PPP2R5A: variants seen among roughly 807,000 people sequenced by gnomAD.
PPP2R5A encodes protein phosphatase 2 regulatory subunit B'alpha, also known as serine/threonine-protein phosphatase 2A 56 kDa regulatory subunit alpha isoform.
A neutral mutation model predicts 64.2 loss-of-function variants in PPP2R5A; 25 were observed. That is an observed-to-expected ratio of 0.39 (90% CI 0.28 to 0.54). PPP2R5A has a LOEUF of 0.54. Among genes scored for constraint, PPP2R5A ranks in the 20% least tolerant of loss-of-function variants. The pLI, the probability that PPP2R5A is intolerant of heterozygous loss-of-function variation, is 0.67. For missense variants in PPP2R5A, 425 were observed against 576.3 expected, an observed-to-expected ratio of 0.74 and a Z score of 2.69; for synonymous variants, 198 against 201.2, an observed-to-expected ratio of 0.98 and a Z score of 0.13.
Position 212,352,092 on chromosome 1 carries a change from C to T in PPP2R5A, c.927+2850C>T, listed in dbSNP as rs532155189. ...TGGAGTGCAGTCAGTGGCACCATCTCGGCTCACTGCAACCTCCACCTCCTG... is the reference window on the plus strand; with the variant it reads ...TGGAGTGCAGTCAGTGGCACCATCTTGGCTCACTGCAACCTCCACCTCCTG... On this transcript the variant is annotated intron_variant, in intron 8 of 12. Coordinates refer to ENST00000261461, the MANE Select transcript of PPP2R5A (RefSeq NM_006243.4). Among the ~76,000 whole-genome samples the T allele has an allele frequency of 3.2e-3, 487 of 151,616 alleles. 3 individuals carry two copies. Among genetic ancestry groups the T allele is most frequent in the Non-Finnish European group, 4.8e-3 (327 of 67,898 alleles).
chr1:212,318,292 T>G (rs1659198296), intron 1 of PPP2R5A, among the ~76,000 whole-genome samples: 1 of 73,864 alleles, frequency 1.4e-5, no homozygotes, highest in Non-Finnish European at 3.8e-5. Context: ...GGCATATCTG[T>G]TTTTTTTTTA....
chr1:212,296,610 C>T (rs753851646), intron 1 of PPP2R5A, among the ~76,000 whole-genome samples: 2 of 152,120 alleles, frequency 1.3e-5, no homozygotes, highest in African/African-American at 4.8e-5. Context: ...ACAAAATATG[C>T]CGGGACAAGT....
At chr1:212,331,264 T>C (rs1659499810) in intron 2 of PPP2R5A, among the ~76,000 whole-genome samples, 1 of 151,576 alleles carries the variant, frequency 6.6e-6, no homozygotes, top group Non-Finnish European at 1.5e-5. Flanking sequence ...GGGCACAAGC[T>C]GTCCTCCTGC....
chr1:212,348,574 C>G, intron 7 of PPP2R5A, 77 bp downstream of exon 7: 1 of 1,045,196 alleles, frequency 9.6e-7, no homozygotes, highest in East Asian at 2.6e-5. Flanking sequence ...TTGAGAAATA[C>G]TGAGATGACA....
At chr1:212,346,072 G>A (rs1659771516) in intron 5 of PPP2R5A, 139 bp downstream of exon 5, 8 of 791,266 alleles carry the variant, frequency 1.0e-5, no homozygotes, top group Non-Finnish European at 1.5e-5. Context: ...TGAGAACATA[G>A]CTCATTGTAG....
At position 212,342,270 on chromosome 1, in the gene PPP2R5A, T is replaced by A; in HGVS notation, c.563T>A (p.Phe188Tyr). The A allele has an allele frequency of 6.2e-7, 1 of 1,613,314 alleles. No individual in the cohort carries two copies. The highest frequency in any genetic ancestry group is 8.5e-7 in the Non-Finnish European group (1 of 1,179,628). Residue 188 changes from phenylalanine to tyrosine, a missense_variant, in exon 4 of 13, where the codon TTC (phenylalanine) becomes TAC (tyrosine). This residue lies in a region of PPP2R5A where 140 missense variants were observed against 204.4 expected (regional missense o/e 0.68). Transcript: ENST00000261461. ...SIAKRYIDQK[F>Y]VQQLLELFDS... ...GCAAAACGATACATTGATCAGAAAT[T>A]CGTACAACAGGTAAGGAACTCTTTT...
At chr1:212,356,787 T>C (rs1012215993) in intron 9 of PPP2R5A, 111 bp downstream of exon 9, 62 of 1,347,330 alleles carry the variant, frequency 4.6e-5, no homozygotes, top group Non-Finnish European at 5.7e-5. Flanking sequence ...GAGCGGGAGA[T>C]GTACACAGAC....
At chr1:212,317,839 A>G (rs533248885) in intron 1 of PPP2R5A, among the ~76,000 whole-genome samples, 1 of 152,186 alleles carries the variant, frequency 6.6e-6, no homozygotes, top group African/African-American at 2.4e-5. Flanking sequence ...TACAAAAATT[A>G]GCTGAGTGTG....
At chr1:212,287,031 A>T (rs1194087957) in intron 1 of PPP2R5A, among the ~76,000 whole-genome samples, 1 of 152,184 alleles carries the variant, frequency 6.6e-6, no homozygotes, top group East Asian at 1.9e-4. Context: ...TTGCAGTCGA[A>T]TGGGAACTTA....
chr1:212,342,215 T>C lies in PPP2R5A; in HGVS notation c.508T>C (p.Leu170=). ...GGTATATGAATTCTTCTTGAGATTT[T>C]TGGAGAGCCCTGATTTCCAGCCTAG... is the stretch of plus-strand genomic sequence containing the variant. ...QLVYEFFLRF[L]ESPDFQPSIA... Residue 170 remains leucine, a synonymous_variant, in exon 4 of 13, where the codon TTG becomes CTG. Transcript: ENST00000261461. 3 of 1,613,732 alleles carry C rather than the reference T, an allele frequency of 1.9e-6. No homozygotes were observed. Among genetic ancestry groups the C allele is most frequent in the Non-Finnish European group, 2.5e-6 (3 of 1,179,810 alleles).
Position 212,329,343 on chromosome 1 carries a change from G to T in PPP2R5A, c.378+12G>T. 2 of 1,517,930 alleles carry T rather than the reference G, an allele frequency of 1.3e-6. No individual in the cohort carries two copies. The highest frequency in any genetic ancestry group is 1.3e-5 in the South Asian group (1 of 76,278). 94.0% of individuals were successfully genotyped at this position (1,517,930 alleles called of 1,614,324 possible). Reference sequence around the variant, plus strand: ...ATATAGTAAAAATGGTAAGCCTCTAGAATTATGTTCCTCAGATTTATGTAA... The same window carrying T: ...ATATAGTAAAAATGGTAAGCCTCTATAATTATGTTCCTCAGATTTATGTAA... On this transcript the variant is annotated intron_variant, in intron 2 of 12. Coordinates refer to ENST00000261461, the MANE Select transcript of PPP2R5A (RefSeq NM_006243.4).
intron 1 of PPP2R5A, among the ~76,000 whole-genome samples, chr1:212,292,534 C>T (rs1013530549): frequency 6.6e-6 from 1 of 152,136 alleles, no homozygotes; most frequent in Non-Finnish European, 1.5e-5. Context: ...ATGTTTGGTG[C>T]TATCTACCAG....
intron 8 of PPP2R5A, among the ~76,000 whole-genome samples, chr1:212,352,072 T>C (rs923600099): frequency 4.6e-5 from 7 of 151,862 alleles, no homozygotes; most frequent in African/African-American, 1.7e-4. Context: ...CAGGCTGGAG[T>C]GCAGTCAGTG....
At chr1:212,331,889 A>C (rs894136278) in intron 2 of PPP2R5A, among the ~76,000 whole-genome samples, 2 of 152,202 alleles carry the variant, frequency 1.3e-5, no homozygotes, top group African/African-American at 4.8e-5. Context: ...TTTCTTAAAA[A>C]TTTATGAGTA....
At chr1:212,328,247 T>C (rs930465670) in intron 1 of PPP2R5A, among the ~76,000 whole-genome samples, 1 of 152,134 alleles carries the variant, frequency 6.6e-6, no homozygotes, top group Non-Finnish European at 1.5e-5. Context: ...CCAATTTAGC[T>C]TCAGTACCAT....
chr1:212,295,991 A>T (rs1658684843), intron 1 of PPP2R5A, among the ~76,000 whole-genome samples: 1 of 152,154 alleles, frequency 6.6e-6, no homozygotes, highest in Admixed American at 6.5e-5. Context: ...TAGGAGGACA[A>T]GTTAGGAGAT....
intron 1 of PPP2R5A, among the ~76,000 whole-genome samples, chr1:212,315,621 G>A (rs1000237813): frequency 6.6e-6 from 1 of 152,264 alleles, no homozygotes; most frequent in East Asian, 1.9e-4. Context: ...ATTGAAATAA[G>A]CCAGGCTATA....
At chr1:212,313,230 C>T (rs1000553295) in intron 1 of PPP2R5A, among the ~76,000 whole-genome samples, 6 of 152,180 alleles carry the variant, frequency 3.9e-5, no homozygotes, top group African/African-American at 1.4e-4. Context: ...TGTTTTCTAG[C>T]ATCTGAAAAC....
chr1:212,316,564 G>A (rs1028514250), intron 1 of PPP2R5A, among the ~76,000 whole-genome samples: 4 of 119,824 alleles, frequency 3.3e-5, no homozygotes, highest in Non-Finnish European at 6.9e-5. Context: ...GAAATTCCAT[G>A]GATATTTAAC....
Sources: gnomAD v4.1 joint callset for allele counts (sites outside exome capture counted in the v4.1 genomes callset) on GRCh38, gnomAD v4.1.1 for gene constraint, gnomAD v4.1.1 regional missense constraint, MANE v1.5 for transcripts, NCBI Gene and HGNC (gene_info 2026-07-23, HGNC 2026-07-21) for gene names.